The following HSPA12A variants were observed in gnomAD, a reference collection of about 807,000 sequenced individuals.
HSPA12A encodes heat shock 70 kDa protein 12A.
A neutral mutation model predicts 69.2 loss-of-function variants in HSPA12A; 28 were observed. That is an observed-to-expected ratio of 0.40 (90% confidence interval 0.30 to 0.55). HSPA12A has a LOEUF of 0.55. HSPA12A is among the 20% of genes least tolerant of loss of function. HSPA12A has a pLI of 0.38. For missense variants in HSPA12A, 686 were observed against 900.7 expected (o/e 0.76, Z 3.05); for synonymous variants, 345 against 370.5 (o/e 0.93, Z 0.79).
chr10:116,730,706 A>G (rs1293837587), intron 1 of HSPA12A, among the ~76,000 whole-genome samples: 1 of 152,188 alleles, frequency 6.6e-6, no homozygotes, highest in Non-Finnish European at 1.5e-5. Context: ...GCCCACCCCC[A>G]ACCTGTTCTA....
intron 2 of HSPA12A, among the ~76,000 whole-genome samples, chr10:116,757,835 C>T (rs1554888935): frequency 6.6e-6 from 1 of 152,148 alleles, no homozygotes; most frequent in East Asian, 1.9e-4. Context: ...AGAGACTGAG[C>T]GACCTATTAG....
At chr10:116,765,795 G>A (rs1554889700) in intron 2 of HSPA12A, among the ~76,000 whole-genome samples, 1 of 152,222 alleles carries the variant, frequency 6.6e-6, no homozygotes, top group Non-Finnish European at 1.5e-5. Flanking sequence ...ATGCCTCTCA[G>A]TTCTTCACCC....
chr10:116,794,894 AAAG>A (rs2133158203), intron 2 of HSPA12A, among the ~76,000 whole-genome samples: 2 of 152,368 alleles, frequency 1.3e-5, no homozygotes, highest in South Asian at 4.1e-4. Flanking sequence ...CCCTTTGGTC[AAAG>A]AAGAAATCAA....
chr10:116,776,097 A>G (rs1844331234), intron 2 of HSPA12A, among the ~76,000 whole-genome samples: 1 of 152,132 alleles, frequency 6.6e-6, no homozygotes, highest in African/African-American at 2.4e-5. Context: ...CCAGTACCCA[A>G]GACAAGTGCC....
chr10:116,820,774 C>T (rs1199037129), intron 2 of HSPA12A, among the ~76,000 whole-genome samples: 1 of 151,982 alleles, frequency 6.6e-6, no homozygotes, highest in African/African-American at 2.4e-5. Context: ...CATTTCTAGT[C>T]GGAGCTCACC....
chr10:116,714,058 GA>G (rs1850529310), intron 1 of HSPA12A, among the ~76,000 whole-genome samples: 1 of 150,372 alleles, frequency 6.7e-6, no homozygotes, highest in African/African-American at 2.4e-5. Flanking sequence ...TGGGTGGATG[GA>G]TGGATAGGTG....
intron 2 of HSPA12A, among the ~76,000 whole-genome samples, chr10:116,792,256 T>A (rs1238851261): frequency 1.1e-4 from 3 of 27,108 alleles, no homozygotes; most frequent in African/African-American, 1.0e-4. Context: ...TGAAACTCGG[T>A]CTCAAAAAAA....
rs1554879135 is a variant in HSPA12A, at chr10:116,683,958, C to A, written c.668G>T (p.Gly223Val). The A allele has an allele frequency of 1.9e-6, 3 of 1,570,408 alleles. No homozygotes were observed. Among genetic ancestry groups the A allele is most frequent in the Non-Finnish European group, 2.6e-6 (3 of 1,150,686 alleles). The change falls in exon 7 of 12, where the codon GGC becomes GTC. Residue 223 changes from glycine to valine, a missense_variant. Physicochemically the swap from Gly to Val is moderately radical, Grantham distance 109. Coordinates refer to ENST00000369209, the MANE Select transcript of HSPA12A (RefSeq NM_025015.3). ...QFMRQAAYQA[G>V]LASPENSEQL... Reference sequence around the variant, plus strand: ...CTCCGAGTTCTCGGGGGAGGCCAGGCCTGCCTGGAAGACAGAAACAGAGGC... The same window carrying A: ...CTCCGAGTTCTCGGGGGAGGCCAGGACTGCCTGGAAGACAGAAACAGAGGC...
chr10:116,764,875 G>A (rs1327671956), intron 2 of HSPA12A, among the ~76,000 whole-genome samples: 3 of 152,176 alleles, frequency 2.0e-5, no homozygotes, highest in Non-Finnish European at 4.4e-5. Flanking sequence ...CTCTAACTGT[G>A]TATCTTTAAT....
At position 116,675,249 on chromosome 10, in the gene HSPA12A, G is replaced by C. The variant is rs782402407; in HGVS notation, c.1560C>G (p.Leu520=). ...VGLTILKGAV[L]FGLDPAVIKV... is the part of the protein sequence containing the mutation. ...TGATGACCGCGGGGTCCAGGCCAAA[G>C]AGGACGGCACCCTTGAGGATGGTGA... Residue 520 remains leucine (L), a synonymous_variant, in exon 12 of 12, where the codon CTC becomes CTG. Transcript: ENST00000369209. The surrounding 1 kb of genome is among the most constrained non-coding windows in gnomAD (Gnocchi z 5.2). 3.1e-6 allele frequency: 5 copies of C among 1,613,756 alleles called. No individual in the cohort carries two copies. The highest frequency in any genetic ancestry group is 3.4e-6 in the Non-Finnish European group (4 of 1,180,038).
At chr10:116,808,129 C>G (rs1296516345) in intron 2 of HSPA12A, among the ~76,000 whole-genome samples, 3 of 152,148 alleles carry the variant, frequency 2.0e-5, no homozygotes, top group African/African-American at 7.2e-5. Flanking sequence ...TCAGGGTTAT[C>G]TGAAAGTCCC....
In HSPA12A at chr10:116,786,693, G is replaced by A. The variant is rs1459292419; in HGVS notation, c.91+48242C>T. On this transcript the variant is annotated intron_variant, in intron 2 of 12. Coordinates refer to the HSPA12A transcript ENST00000635765. ...CTGGCTCTGTCACCCAGGCTGAAGT[G>A]CAGTGGCTCAATCTTGGCTCGCTGC... 3.3e-5 allele frequency among the ~76,000 whole-genome samples: 5 copies of A among 152,074 alleles called. No homozygotes were observed. The East Asian group carries it at 7.7e-4, about 23-fold the overall frequency.
Position 116,762,432 on chromosome 10 carries a change from A to G in HSPA12A, c.92-55147T>C, listed in dbSNP as rs919959807. On this transcript the variant is annotated intron_variant, in intron 2 of 12. Coordinates refer to the HSPA12A transcript ENST00000635765. ...AATCTTGACTTCCTCTTCATCCCTT[A>G]CAGGATGAAGTCACAATGGCCATGC... Among the ~76,000 whole-genome samples the G allele has an allele frequency of 2.0e-5, 3 of 152,016 alleles. No homozygotes were observed. In the East Asian group the frequency reaches 5.8e-4, roughly 29 times the overall value.
Position 116,675,536 on chromosome 10 carries a change from G to T in HSPA12A, c.1391-118C>A, listed in dbSNP as rs1186432163. The T allele has an allele frequency of 9.5e-7, 1 of 1,056,130 alleles. No individual in the cohort carries two copies. Among genetic ancestry groups the T allele is most frequent in the Non-Finnish European group, 1.3e-6 (1 of 741,424 alleles). The allele number at this position is 1,056,130 out of a possible 1,614,324, so 65.4% of individuals were successfully genotyped here. Reference sequence around the variant, plus strand: ...GCCACTTGGGCCACTGGGAGGGCAGGCTTACTCTGAGCTCCTTGAACAGAA... The same window carrying T: ...GCCACTTGGGCCACTGGGAGGGCAGTCTTACTCTGAGCTCCTTGAACAGAA... On this transcript the variant is annotated intron_variant, in intron 11 of 11. Coordinates refer to ENST00000369209, the MANE Select transcript of HSPA12A (RefSeq NM_025015.3). This position sits in a 1 kb window ranked among gnomAD's most constrained non-coding sequence, Gnocchi z 5.2.
rs915643041 is a variant in HSPA12A at position 116,671,731 on chromosome 10, G to A, written c.*3050C>T. ...TTCATGCCTGCTGTGTACGGAAAGG[G>A]CAGTTACAAAGGAAAGCCTTGATGA... On this transcript the variant is annotated 3_prime_UTR_variant, in exon 12 of 12. Transcript: ENST00000369209. 14 of 152,652 alleles carry A rather than the reference G, an allele frequency of 9.2e-5. No homozygotes were observed. Among genetic ancestry groups the A allele is most frequent in the Non-Finnish European group, 2.1e-4 (14 of 68,032 alleles). 9.5% of individuals were successfully genotyped at this position (152,652 alleles called of 1,614,324 possible).
intron 2 of HSPA12A, among the ~76,000 whole-genome samples, chr10:116,791,234 G>T (rs924588680): frequency 2.6e-5 from 4 of 152,208 alleles, no homozygotes; most frequent in African/African-American, 9.6e-5. Flanking sequence ...GAAGAGCCTA[G>T]ATAGGCCATT....
At position 116,774,989 on chromosome 10, in the gene HSPA12A, A is replaced by G. The variant is rs533483625; in HGVS notation, c.91+59946T>C. Reference sequence around the variant, plus strand: ...TACACACCCACCGCCACTGCTCCCAACTGTGCTGCTTTGGGGGACTCCAGC... The same window carrying G: ...TACACACCCACCGCCACTGCTCCCAGCTGTGCTGCTTTGGGGGACTCCAGC... On this transcript the variant is annotated intron_variant, in intron 2 of 12. Transcript: ENST00000635765. 5.8e-5 allele frequency among the ~76,000 whole-genome samples: 8 copies of G among 138,710 alleles called. No individual in the cohort carries two copies. In the East Asian group the frequency reaches 1.4e-3, roughly 24 times the overall value. 91.0% of individuals were successfully genotyped at this position (138,710 alleles called of 152,430 possible).
intron 2 of HSPA12A, among the ~76,000 whole-genome samples, chr10:116,759,027 A>G (rs1354995768): frequency 6.6e-6 from 1 of 152,172 alleles, no homozygotes; most frequent in Non-Finnish European, 1.5e-5. Flanking sequence ...TTCTCTTTTG[A>G]TGGGAACTCA....
intron 2 of HSPA12A, among the ~76,000 whole-genome samples, chr10:116,817,449 C>T (rs1845326877): frequency 7.1e-6 from 1 of 140,900 alleles, no homozygotes; most frequent in Non-Finnish European, 1.5e-5. Context: ...CTGATGCCGT[C>T]AAGTTCAGGG....
Sources: allele counts gnomAD v4.1 joint callset (sites outside exome capture counted in the v4.1 genomes callset), GRCh38; gene constraint gnomAD v4.1.1; non-coding constraint Gnocchi (gnomAD v3.1); transcripts MANE v1.5; gene names NCBI Gene and HGNC (gene_info 2026-07-23, HGNC 2026-07-21).